FYB1: variants seen among roughly 807,000 people sequenced by gnomAD.
The protein encoded by FYB1 is FYN-binding protein 1.
In FYB1, 41 loss-of-function variants were observed where a neutral mutation model predicts 94.1. The ratio of observed to expected loss-of-function variants is 0.44; its 90% CI spans 0.34 to 0.57. The LOEUF is 0.57. Among genes scored for constraint, FYB1 ranks in the 20% least tolerant of loss-of-function variants. FYB1 has a pLI of 0.02. For synonymous variants in FYB1, 367 were observed against 353.2 expected (o/e 1.04, Z -0.44); for missense variants, 1,050 against 976.8 (o/e 1.07, Z -1.00).
chr5:39,142,305 A>G (rs1338136478), intron 3 of FYB1, among the ~76,000 whole-genome samples: 1 of 152,158 alleles, frequency 6.6e-6, no homozygotes, highest in Non-Finnish European at 1.5e-5. Flanking sequence ...CCCTATAATC[A>G]GATGACCTTG....
chr5:39,256,433 T>C (rs1751943716), intron 1 of FYB1, among the ~76,000 whole-genome samples: 1 of 152,134 alleles, frequency 6.6e-6, no homozygotes, highest in South Asian at 2.1e-4. Flanking sequence ...GAATATTACG[T>C]ACGGGTTTTC....
intron 1 of FYB1, among the ~76,000 whole-genome samples, chr5:39,267,247 G>C (rs1752472346): frequency 6.6e-6 from 1 of 152,100 alleles, no homozygotes. Context: ...CTATTTATTT[G>C]GGGCTGAAAT....
intron 3 of FYB1, among the ~76,000 whole-genome samples, chr5:39,150,768 G>A (rs1418620170): frequency 6.6e-6 from 1 of 152,086 alleles, no homozygotes; most frequent in Non-Finnish European, 1.5e-5. Context: ...CACCTCCACT[G>A]TTCCCATCAT....
intron 1 of FYB1, among the ~76,000 whole-genome samples, chr5:39,242,984 GTTGT>G (rs377552888): frequency 6.6e-6 from 1 of 151,836 alleles, no homozygotes; most frequent in Non-Finnish European, 1.5e-5. Context: ...TTTTGATGGG[GTTGT>G]TTGTTTATTT....
At position 39,202,147 on chromosome 5, in the gene FYB1, C is replaced by T. The variant is rs61734281; in HGVS notation, c.814G>A (p.Gly272Ser). Reference protein sequence around the residue: ...VVLKPAASRGGPGLSKNGEEK... With the variant: ...VVLKPAASRGSPGLSKNGEEK... The stretch of plus-strand genomic sequence containing the variant: ...TCACCATTTTTGGAGAGACCTGGGC[C>T]TCCCCTGCTCGCAGCAGGTTTCAAA... Residue 272 changes from glycine (G) to serine (S), a missense_variant, in exon 2 of 19, where the codon GGC becomes AGC. Physicochemically the swap from Gly to Ser is moderately conservative, Grantham distance 56. Coordinates refer to ENST00000512982, the MANE Select transcript of FYB1 (RefSeq NM_001465.6). 1.9e-6 allele frequency: 3 copies of T among 1,614,024 alleles called. No individual in the cohort carries two copies. The highest frequency in any genetic ancestry group is 1.1e-5 in the South Asian group (1 of 91,090).
intron 8 of FYB1, 85 bp downstream of exon 8, chr5:39,134,770 C>G: frequency 7.0e-7 from 1 of 1,431,062 alleles, no homozygotes; most frequent in Non-Finnish European, 9.7e-7. Flanking sequence ...AACTCGATGC[C>G]TATGACGAGT....
At chr5:39,210,976 A>G (rs1183256048) in intron 1 of FYB1, 1 of 152,220 alleles carries the variant, frequency 6.6e-6, no homozygotes, top group Non-Finnish European at 1.5e-5. Flanking sequence ...TGAGATGTAG[A>G]TAGTACAGAA....
At chr5:39,181,112 T>G (rs1414354079) in intron 2 of FYB1, among the ~76,000 whole-genome samples, 2 of 152,118 alleles carry the variant, frequency 1.3e-5, no homozygotes, top group Non-Finnish European at 2.9e-5. Flanking sequence ...ACATATGGAT[T>G]TAGGGACAGA....
chr5:39,192,065 G>A (rs1747412781), intron 2 of FYB1, among the ~76,000 whole-genome samples: 1 of 152,118 alleles, frequency 6.6e-6, no homozygotes, highest in African/African-American at 2.4e-5. Flanking sequence ...ATTTATAAAA[G>A]GGTTTTATTT....
At chr5:39,178,987 C>T (rs1408836978) in intron 2 of FYB1, among the ~76,000 whole-genome samples, 5 of 152,156 alleles carry the variant, frequency 3.3e-5, no homozygotes, top group East Asian at 1.9e-4. Context: ...AGAGTCCATA[C>T]GTAGTTTTGC....
chr5:39,134,304 A>G lies in FYB1; in HGVS notation c.1721T>C (p.Leu574Ser), dbSNP rs1741461431. The G allele has an allele frequency of 1.2e-6, 2 of 1,612,024 alleles. No homozygotes were observed. Among genetic ancestry groups the G allele is most frequent in the Non-Finnish European group, 1.7e-6 (2 of 1,178,380 alleles). The change falls in exon 9 of 19, where the codon TTG becomes TCG. Residue 574 changes from leucine to serine, a missense_variant. Physicochemically the swap from Leu to Ser is moderately radical, Grantham distance 145. Transcript: ENST00000512982. ...TTAVEIDYDS[L>S]KLKKDSLGAP... ...ACCAAGAGAGTCTTTTTTCAGTTTC[A>G]AAGAATCATAGTCAATCTCTACAGC...
intron 2 of FYB1, among the ~76,000 whole-genome samples, chr5:39,158,327 C>A (rs572522752): frequency 3.3e-5 from 5 of 152,338 alleles, no homozygotes; most frequent in South Asian, 4.1e-4. Flanking sequence ...CCAGGAGAGA[C>A]TTTCCATGAG....
In FYB1 at chr5:39,135,795, A is replaced by G. The variant is rs560948922; in HGVS notation, c.1516-781T>C. Among the ~76,000 whole-genome samples the G allele has an allele frequency of 7.9e-5, 12 of 152,294 alleles. No individual in the cohort carries two copies. The East Asian group carries it at 2.3e-3, about 29-fold the overall frequency. On this transcript the variant is annotated intron_variant, in intron 7 of 18. Transcript: ENST00000512982. ...GTAAGTTAAGTTATGATATGCCATG[A>G]TGCTGATGAGGCTCAGTTCTCATAT...
At chr5:39,189,537 G>A (rs538051258) in intron 2 of FYB1, among the ~76,000 whole-genome samples, 43 of 152,188 alleles carry the variant, frequency 2.8e-4, no homozygotes, top group Non-Finnish European at 4.9e-4. Context: ...GACCACAGCT[G>A]TGTTGAAGGG....
intron 3 of FYB1, among the ~76,000 whole-genome samples, chr5:39,148,185 A>T (rs1326422128): frequency 2.4e-5 from 2 of 82,456 alleles, no homozygotes; most frequent in African/African-American, 5.8e-5. Flanking sequence ...ATATATATAT[A>T]TATATATATA....
chr5:39,152,436 G>C (rs1259416894), intron 3 of FYB1, among the ~76,000 whole-genome samples: 1 of 152,138 alleles, frequency 6.6e-6, no homozygotes, highest in African/African-American at 2.4e-5. Flanking sequence ...TTTGTTGTAA[G>C]GAACATCAAT....
chr5:39,202,291 C>T lies in FYB1; in HGVS notation c.670G>A (p.Gly224Arg). The change falls in exon 2 of 19, where the codon GGG becomes AGG. Residue 224 changes from glycine (G) to arginine (R), a missense_variant. Coordinates refer to ENST00000512982, the MANE Select transcript of FYB1 (RefSeq NM_001465.6). ...CTGACTCCCAGGGGAGCTGGGGACCCTTTTGATGAAGACACATTCTTCATG... is the reference window on the plus strand; with the variant it reads ...CTGACTCCCAGGGGAGCTGGGGACCTTTTTGATGAAGACACATTCTTCATG... ...SPMKNVSSSK[G>R]SPAPLGVRSK... 1.2e-6 allele frequency: 2 copies of T among 1,613,846 alleles called. No homozygotes were observed. Among genetic ancestry groups the T allele is most frequent in the Non-Finnish European group, 8.5e-7 (1 of 1,179,862 alleles).
intron 2 of FYB1, among the ~76,000 whole-genome samples, chr5:39,156,910 T>C (rs1189639248): frequency 6.6e-6 from 1 of 152,148 alleles, no homozygotes; most frequent in African/African-American, 2.4e-5. Context: ...TATTGAACTA[T>C]AGTAAAATGA....
chr5:39,236,507 C>A (rs1174255418), intron 1 of FYB1, among the ~76,000 whole-genome samples: 1 of 151,980 alleles, frequency 6.6e-6, no homozygotes, highest in Non-Finnish European at 1.5e-5. Flanking sequence ...GGAAAAAATT[C>A]AGAAATTGAG....
Sources: gnomAD v4.1 joint callset for allele counts (sites outside exome capture counted in the v4.1 genomes callset) on GRCh38, gnomAD v4.1.1 for gene constraint, MANE v1.5 for transcripts, NCBI Gene and HGNC (gene_info 2026-07-23, HGNC 2026-07-21) for gene names.